Variants in RPS6KC1 observed in about 807,000 individuals in gnomAD.
RPS6KC1 encodes the protein ribosomal protein S6 kinase C1, also known as inactive ribosomal protein S6 kinase delta-1.
In RPS6KC1, 54 loss-of-function variants were observed where a neutral mutation model predicts 103.8. The observed-to-expected ratio is 0.52, with a 90% confidence interval of 0.42 to 0.65. The LOEUF (loss-of-function observed/expected upper bound fraction) is 0.65. RPS6KC1 is among the 30% of genes least tolerant of loss of function. RPS6KC1 has a pLI of 0.00. For missense variants in RPS6KC1, 1,151 were observed against 1,253.8 expected (o/e 0.92, Z 1.24); for synonymous variants, 439 against 438.7 (o/e 1.00, Z -0.01).
chr1:213,532,820 C>T, the RPS6KC1 span, among the ~76,000 whole-genome samples: 4 of 152,192 alleles, frequency 2.6e-5, no homozygotes, highest in African/African-American at 9.6e-5. Context: ...CAGCATGTGC[C>T]ACCGTCTTGA....
At chr1:213,585,400 C>T in the RPS6KC1 span, among the ~76,000 whole-genome samples, 1 of 152,292 alleles carries the variant, frequency 6.6e-6, no homozygotes, top group Admixed American at 6.5e-5. Flanking sequence ...ACCCTCCTCC[C>T]CTGCTCCCAG....
At chr1:213,263,279 G>A (rs1193040703) in intron 14 of RPS6KC1, among the ~76,000 whole-genome samples, 1 of 152,188 alleles carries the variant, frequency 6.6e-6, no homozygotes, top group Non-Finnish European at 1.5e-5. Context: ...TTCATCATTG[G>A]TGGAACTTGG....
chr1:213,335,125 CAG>C, the RPS6KC1 span, among the ~76,000 whole-genome samples: 3 of 152,322 alleles, frequency 2.0e-5, no homozygotes, highest in African/African-American at 7.2e-5. Flanking sequence ...GAGAAGCACA[CAG>C]GGGAAGAACC....
the RPS6KC1 span, among the ~76,000 whole-genome samples, chr1:213,792,205 A>G: frequency 1.3e-5 from 2 of 152,218 alleles, no homozygotes; most frequent in Non-Finnish European, 2.9e-5. Context: ...GGCAAGTCCA[A>G]AACTCCAGGG....
intron 7 of RPS6KC1, among the ~76,000 whole-genome samples, chr1:213,169,813 GCT>G (rs2091326636): frequency 7.4e-6 from 1 of 134,828 alleles, no homozygotes; most frequent in Non-Finnish European, 1.5e-5. Context: ...ATGGAGTCTC[GCT>G]CTGTCACCCA....
At chr1:213,270,880 A>G (rs2149179094) in intron 14 of RPS6KC1, among the ~76,000 whole-genome samples, 1 of 152,338 alleles carries the variant, frequency 6.6e-6, no homozygotes. Context: ...TTAAAACCAT[A>G]ACAAGATACT....
the RPS6KC1 span, among the ~76,000 whole-genome samples, chr1:213,760,281 G>A: frequency 6.6e-6 from 1 of 152,114 alleles, no homozygotes; most frequent in Non-Finnish European, 1.5e-5. Flanking sequence ...CACAGCCGCT[G>A]CTTCATTTAC....
At chr1:213,570,091 C>T in the RPS6KC1 span, among the ~76,000 whole-genome samples, 27 of 152,268 alleles carry the variant, frequency 1.8e-4, no homozygotes, top group Admixed American at 9.1e-4. Flanking sequence ...ACTGTTCAAA[C>T]GCTGGAGACT....
chr1:213,340,362 A>G, the RPS6KC1 span, among the ~76,000 whole-genome samples: 53 of 152,332 alleles, frequency 3.5e-4, no homozygotes, highest in African/African-American at 1.2e-3. Flanking sequence ...CGGGGTCTTA[A>G]TTTTTGTAAA....
chr1:213,585,379 A>G, the RPS6KC1 span, among the ~76,000 whole-genome samples: 1 of 152,086 alleles, frequency 6.6e-6, no homozygotes, highest in African/African-American at 2.4e-5. Context: ...TTGCTGAAAT[A>G]TTTATTCCAC....
the RPS6KC1 span, among the ~76,000 whole-genome samples, chr1:213,631,321 C>G: frequency 1.3e-5 from 2 of 149,506 alleles, no homozygotes; most frequent in East Asian, 4.0e-4. Flanking sequence ...GAGCTGTAGA[C>G]TGGAGCTGTT....
the RPS6KC1 span, among the ~76,000 whole-genome samples, chr1:213,491,338 A>G: frequency 1.3e-5 from 2 of 152,298 alleles, no homozygotes; most frequent in Admixed American, 1.3e-4. Context: ...CTTTGAGGCC[A>G]GGAGTTCAAG....
chr1:213,388,520 G>A, the RPS6KC1 span, among the ~76,000 whole-genome samples: 2 of 152,198 alleles, frequency 1.3e-5, no homozygotes, highest in South Asian at 2.1e-4. Flanking sequence ...GCCAAGTATC[G>A]ATTTTGGGAA....
At chr1:213,588,293 T>G in the RPS6KC1 span, among the ~76,000 whole-genome samples, 1 of 149,562 alleles carries the variant, frequency 6.7e-6, no homozygotes, top group Non-Finnish European at 1.5e-5. Flanking sequence ...CTAAAACCTC[T>G]GTCTTTTTTT....
chr1:213,549,550 C>T, the RPS6KC1 span, among the ~76,000 whole-genome samples: 29 of 151,236 alleles, frequency 1.9e-4, no homozygotes, highest in East Asian at 3.9e-4. Context: ...CAAAGTAGGG[C>T]AAGAAGGAGG....
At chr1:213,459,159 G>A in the RPS6KC1 span, among the ~76,000 whole-genome samples, 1 of 152,112 alleles carries the variant, frequency 6.6e-6, no homozygotes, top group South Asian at 2.1e-4. Context: ...TCTATTGTTT[G>A]GAATACTTTC....
intron 8 of RPS6KC1, among the ~76,000 whole-genome samples, chr1:213,214,229 A>T (rs1421821647): frequency 6.6e-6 from 1 of 152,252 alleles, no homozygotes; most frequent in African/African-American, 2.4e-5. Flanking sequence ...AGAAGATTAT[A>T]TCCCGCGCCT....
At chr1:213,389,755 C>T in the RPS6KC1 span, among the ~76,000 whole-genome samples, 7 of 152,204 alleles carry the variant, frequency 4.6e-5, no homozygotes, top group Non-Finnish European at 8.8e-5. Flanking sequence ...CTTTCCCGGT[C>T]CTCTGCCCCT....
intron 10 of RPS6KC1, among the ~76,000 whole-genome samples, chr1:213,238,916 A>G (rs1460876450): frequency 1.3e-5 from 2 of 152,172 alleles, no homozygotes; most frequent in African/African-American, 4.8e-5. Flanking sequence ...TGGATTGCAT[A>G]CAAGAATCTT....
Sources: gnomAD v4.1 joint callset for allele counts (sites outside exome capture counted in the v4.1 genomes callset) on GRCh38, gnomAD v4.1.1 for gene constraint, MANE v1.5 for transcripts, NCBI Gene and HGNC (gene_info 2026-07-23, HGNC 2026-07-21) for gene names.